LHFPL5: variants seen among roughly 807,000 people sequenced by gnomAD.
LHFPL5 encodes the protein LHFPL tetraspan subfamily member 5.
Under a neutral mutation model 18.7 loss-of-function variants are expected in LHFPL5, and 12 were observed. The ratio of observed to expected loss-of-function variants is 0.64; its 90% CI spans 0.41 to 1.04. The LOEUF is 1.04. Among genes scored for constraint, LHFPL5 ranks in the 50% least tolerant of loss-of-function variants. The pLI, the probability that LHFPL5 is intolerant of heterozygous loss-of-function variation, is 0.00. For missense variants in LHFPL5, 259 were observed against 292.1 expected (o/e 0.89, Z 0.83); for synonymous variants, 111 against 120.2 (o/e 0.92, Z 0.50).
At chr6:35,807,902 C>T (rs1768597650) in intron 1 of LHFPL5, among the ~76,000 whole-genome samples, 1 of 152,132 alleles carries the variant, frequency 6.6e-6, no homozygotes. Context: ...GGAGGAGCCC[C>T]AGCACAACCC....
At position 35,814,739 on chromosome 6, in the gene LHFPL5, GC is replaced by G; in HGVS notation, c.607del (p.Gln203ArgfsTer41). Reference sequence around the variant, plus strand: ...TCCTGGCCTTCGTGTTGGGCTACCGGCAGGACAAGCTCCTCCCTGACGACTA... The same window carrying G: ...TCCTGGCCTTCGTGTTGGGCTACCGGAGGACAAGCTCCTCCCTGACGACTA... ...SFLAFVLGYR[Q>X]DKLLPDDYKA... On this transcript the variant is annotated frameshift_variant, in exon 2 of 4. Transcript: ENST00000360215. LOFTEE classifies it high-confidence loss of function. The surrounding 1 kb of genome is among the most constrained non-coding windows in gnomAD (Gnocchi z 4.2). The G allele has an allele frequency of 6.2e-7, 1 of 1,614,146 alleles. No individual in the cohort carries two copies. Among genetic ancestry groups the G allele is most frequent in the Non-Finnish European group, 8.5e-7 (1 of 1,180,030 alleles).
At chr6:35,807,684 C>T (rs1435372821) in intron 1 of LHFPL5, among the ~76,000 whole-genome samples, 2 of 152,104 alleles carry the variant, frequency 1.3e-5, no homozygotes, top group African/African-American at 2.4e-5. Context: ...GCTATATCCA[C>T]CCCCCAACTA....
chr6:35,810,876 A>G (rs1768654730), intron 1 of LHFPL5, among the ~76,000 whole-genome samples: 1 of 151,984 alleles, frequency 6.6e-6, no homozygotes, highest in African/African-American at 2.4e-5. Flanking sequence ...AAACAACTAT[A>G]TCAGTGAGCA....
intron 3 of LHFPL5, among the ~76,000 whole-genome samples, chr6:35,822,342 A>G (rs1406554442): frequency 6.6e-6 from 1 of 152,034 alleles, no homozygotes; most frequent in Admixed American, 6.6e-5. Flanking sequence ...TTTTCCTCAC[A>G]CTACATTTTA....
chr6:35,818,465 C>T (rs1768810376), intron 2 of LHFPL5, among the ~76,000 whole-genome samples: 1 of 146,920 alleles, frequency 6.8e-6, no homozygotes. Context: ...CTCAAGTGAT[C>T]CTCCCATATT....
At chr6:35,818,351 A>ATATATATTTTTTTTTTTTTTTTTTT (rs1768805129) in intron 2 of LHFPL5, among the ~76,000 whole-genome samples, 1 of 106,926 alleles carries the variant, frequency 9.4e-6, no homozygotes, top group African/African-American at 3.8e-5. Context: ...ATATATATGT[A>ATATATATTTTTTTTTTTTTTTTTTT]TTTTTTTTTT....
chr6:35,812,021 G>A (rs2151070214), intron 1 of LHFPL5, among the ~76,000 whole-genome samples: 1 of 152,312 alleles, frequency 6.6e-6, no homozygotes, highest in South Asian at 2.1e-4. Flanking sequence ...TGGCTGGTAA[G>A]TCACTTGGTT....
intron 1 of LHFPL5, among the ~76,000 whole-genome samples, chr6:35,807,596 A>C (rs1768592387): frequency 6.6e-6 from 1 of 152,166 alleles, no homozygotes; most frequent in Non-Finnish European, 1.5e-5. Context: ...TTTAAGAGGG[A>C]GACTGAAACA....
chr6:35,811,793 C>T (rs1354737402), intron 1 of LHFPL5, among the ~76,000 whole-genome samples: 2 of 152,246 alleles, frequency 1.3e-5, no homozygotes, highest in African/African-American at 2.4e-5. Flanking sequence ...GTAGGTTTCA[C>T]CACGGAGCTG....
intron 1 of LHFPL5, among the ~76,000 whole-genome samples, chr6:35,809,797 CCCGGCCTTA>C (rs1352302548): frequency 2.0e-5 from 3 of 152,184 alleles, no homozygotes; most frequent in Admixed American, 2.0e-4. Context: ...AGCCACCGCA[CCCGGCCTTA>C]TTATTGTTTT....
chr6:35,817,454 T>C (rs1156707405), intron 2 of LHFPL5, among the ~76,000 whole-genome samples: 3 of 152,220 alleles, frequency 2.0e-5, no homozygotes, highest in Admixed American at 2.0e-4. Flanking sequence ...TTGCAAATTA[T>C]AATTGGATAA....
intron 1 of LHFPL5, among the ~76,000 whole-genome samples, chr6:35,807,466 G>A (rs1465084255): frequency 1.3e-5 from 2 of 152,076 alleles, no homozygotes; most frequent in East Asian, 1.9e-4. Context: ...TGGTACCTTG[G>A]TCCCTGCACA....
intron 3 of LHFPL5, among the ~76,000 whole-genome samples, chr6:35,821,607 A>G (rs1768869022): frequency 6.6e-6 from 1 of 151,468 alleles, no homozygotes; most frequent in Non-Finnish European, 1.5e-5. Flanking sequence ...ACAGCCTCCC[A>G]AGTAGCTGGG....
chr6:35,815,364 A>G (rs904051121), intron 2 of LHFPL5, among the ~76,000 whole-genome samples: 12 of 152,126 alleles, frequency 7.9e-5, no homozygotes, highest in African/African-American at 2.9e-4. Context: ...AGGCCCAAGC[A>G]CATCCTCCAG....
chr6:35,808,999 C>T (rs149395143), intron 1 of LHFPL5, among the ~76,000 whole-genome samples: 5 of 152,168 alleles, frequency 3.3e-5, no homozygotes, highest in African/African-American at 1.2e-4. Context: ...GCAGAGTGGG[C>T]GGGTCCCATA....
At chr6:35,812,655 T>C (rs959410390) in intron 1 of LHFPL5, among the ~76,000 whole-genome samples, 1 of 152,250 alleles carries the variant, frequency 6.6e-6, no homozygotes, top group Admixed American at 6.5e-5. Flanking sequence ...GGCACTGTTC[T>C]ACACTCTTTT....
At chr6:35,822,664 C>T (rs752018371) in intron 3 of LHFPL5, among the ~76,000 whole-genome samples, 2 of 152,228 alleles carry the variant, frequency 1.3e-5, no homozygotes, top group East Asian at 1.9e-4. Context: ...CGTGCCACCA[C>T]GCCTGGCTAA....
intron 2 of LHFPL5, among the ~76,000 whole-genome samples, chr6:35,818,777 C>G (rs1416660084): frequency 6.7e-6 from 1 of 149,644 alleles, no homozygotes; most frequent in African/African-American, 2.5e-5. Flanking sequence ...TTTTTTGATG[C>G]CACAGTAGCA....
chr6:35,819,437 A>G lies in LHFPL5; in HGVS notation c.650A>G (p.Glu217Gly), dbSNP rs767421846. 57 of 1,613,962 alleles carry G rather than the reference A, an allele frequency of 3.5e-5. No individual in the cohort carries two copies. In the East Asian group the frequency reaches 1.2e-3, roughly 34 times the overall value. ...TATACTGTTCTCTCCTTCATTACAG[A>G]GGAGGTGTGAAGCAGCTGAAGGGTC... The part of the protein sequence containing the change: ...LPDDYKADGT[E>G]EV The change falls in exon 3 of 4, where the codon GAG (glutamate) becomes GGG (glycine). Residue 217 changes from glutamate to glycine, a missense_variant and splice_region_variant. Physicochemically the swap from Glu to Gly is moderately conservative, Grantham distance 98. Transcript: ENST00000360215.
Sources: gnomAD v4.1 joint callset for allele counts (sites outside exome capture counted in the v4.1 genomes callset) on GRCh38, gnomAD v4.1.1 for gene constraint, Gnocchi (gnomAD v3.1) non-coding constraint, MANE v1.5 for transcripts, NCBI Gene and HGNC (gene_info 2026-07-23, HGNC 2026-07-21) for gene names.